HHIPL1: variants seen among roughly 807,000 people sequenced by gnomAD.
HHIPL1 encodes HHIP like 1.
Under a neutral mutation model 61.8 loss-of-function variants are expected in HHIPL1, and 43 were observed. The observed-to-expected ratio is 0.70, with a 90% CI of 0.55 to 0.90. HHIPL1 has a LOEUF of 0.90. Ranked by LOEUF, HHIPL1 falls within the 40% of genes least tolerant of loss-of-function variation. The probability of loss-of-function intolerance (pLI) is 0.00; values close to 1 mark genes in which losing one functional copy is unlikely to be tolerated. For synonymous variants in HHIPL1, 482 were observed against 515.8 expected (o/e 0.93, Z 0.89); for missense variants, 1,056 against 1,157.7 (o/e 0.91, Z 1.28).
Position 99,678,264 on chromosome 14 carries a change from C to G in HHIPL1, c.*2638C>G, listed in dbSNP as rs1595175841. On this transcript the variant is annotated 3_prime_UTR_variant, in exon 9 of 9. Coordinates refer to ENST00000330710, the MANE Select transcript of HHIPL1 (RefSeq NM_001127258.3). ...GCCCGGTTCCTAACAGGCCACCCATCAGTACTGGTCCGTGGCCCAGGGTTT... is the reference window on the plus strand; with the variant it reads ...GCCCGGTTCCTAACAGGCCACCCATGAGTACTGGTCCGTGGCCCAGGGTTT... The G allele has an allele frequency of 1.3e-5, 2 of 152,176 alleles. No individual in the cohort carries two copies. The highest frequency in any genetic ancestry group is 4.8e-5 in the African/African-American group (2 of 41,424). 9.4% of individuals were successfully genotyped at this position (152,176 alleles called of 1,614,324 possible). A position where few individuals can be genotyped will look rare whatever the true frequency, so the allele number is the denominator to read the frequency against.
the HHIPL1 span, among the ~76,000 whole-genome samples, chr14:99,615,946 T>G: frequency 1.3e-5 from 2 of 151,930 alleles, no homozygotes; most frequent in African/African-American, 4.8e-5. Flanking sequence ...ACCAAGCAAG[T>G]CAAAACAAGG....
At position 99,668,232 on chromosome 14, in the gene HHIPL1, C is replaced by T; in HGVS notation, c.1659C>T (p.Tyr553=). ...SFGEDEAGEL[Y]FMSTGEPSAT... is the part of the protein sequence containing the mutation. ...TTGTTCTGTCCAAAGGGGAGCTGTA[C>T]TTCATGTCGACAGGGGAGCCGAGTG... Residue 553 remains tyrosine, a synonymous_variant, in exon 7 of 9, where the codon TAC becomes TAT. Transcript: ENST00000330710. The surrounding 1 kb of genome is among the most constrained non-coding windows in gnomAD (Gnocchi z 4.7). 1.2e-6 allele frequency: 2 copies of T among 1,608,668 alleles called. No homozygotes were observed. Among genetic ancestry groups the T allele is most frequent in the Non-Finnish European group, 1.7e-6 (2 of 1,175,128 alleles).
In HHIPL1 at chr14:99,675,647, G is replaced by C. The variant is rs1178290335; in HGVS notation, c.*21G>C. The C allele has an allele frequency of 6.7e-7, 1 of 1,484,950 alleles. No homozygotes were observed. Among genetic ancestry groups the C allele is most frequent in the Non-Finnish European group, 8.9e-7 (1 of 1,117,700 alleles). 92.0% of individuals were successfully genotyped at this position (1,484,950 alleles called of 1,614,324 possible). A position where few individuals can be genotyped will look rare whatever the true frequency, so the allele number is the denominator to read the frequency against. On this transcript the variant is annotated 3_prime_UTR_variant, in exon 9 of 9. Transcript: ENST00000330710. The surrounding 1 kb of genome is among the most constrained non-coding windows in gnomAD (Gnocchi z 5.4). ...TGTAGGCAACACGCCGCTGCCCCAG[G>C]CCATCCCGCCGGCGGGGGAGCCTGG...
the HHIPL1 span, among the ~76,000 whole-genome samples, chr14:99,608,569 T>C: frequency 4.6e-5 from 7 of 152,306 alleles, no homozygotes; most frequent in African/African-American, 1.7e-4. Flanking sequence ...AGCTGAATCT[T>C]CTTCAGGACA....
rs1203551031 is a variant in HHIPL1, at chr14:99,678,559, A to C, written c.*2933A>C. On this transcript the variant is annotated 3_prime_UTR_variant, in exon 9 of 9. Transcript: ENST00000330710. ...GCAGAAGCCAGACCGCACAATCTAAACTAAAACCCGATTGGCTGTTTAAAA... is the reference window on the plus strand; with the variant it reads ...GCAGAAGCCAGACCGCACAATCTAACCTAAAACCCGATTGGCTGTTTAAAA... 6.6e-6 allele frequency: 1 copy of C among 152,232 alleles called. No homozygotes were observed. The highest frequency in any genetic ancestry group is 1.5e-5 in the Non-Finnish European group (1 of 68,042). The allele number at this position is 152,232 out of a possible 1,614,324, so 9.4% of individuals were successfully genotyped here.
At position 99,675,380 on chromosome 14, in the gene HHIPL1, C is replaced by A. The variant is rs1464313788; in HGVS notation, c.2103C>A (p.Asp701Glu). ...GCGGACGCTGGGGCACCGTGTGCGA[C>A]GACTCCTGGAACATCAGCGGCGCCG... Reference protein sequence around the residue: ...FVGGRWGTVCDDSWNISGAAV... With the variant: ...FVGGRWGTVCEDSWNISGAAV... The change falls in exon 9 of 9, where the codon GAC becomes GAA. Residue 701 changes from aspartate (D) to glutamate (E), a missense_variant. Transcript: ENST00000330710. The surrounding 1 kb of genome is among the most constrained non-coding windows in gnomAD (Gnocchi z 5.4). 1.3e-6 allele frequency: 2 copies of A among 1,515,526 alleles called. No individual in the cohort carries two copies. The highest frequency in any genetic ancestry group is 1.8e-6 in the Non-Finnish European group (2 of 1,133,786). The allele number at this position is 1,515,526 out of a possible 1,614,324, so 93.9% of individuals were successfully genotyped here.
Position 99,668,817 on chromosome 14 carries a change from C to T in HHIPL1, c.1730+514C>T, listed in dbSNP as rs774295509. ...GCTCCCTTCGCCGGCTCCATCTCCC[C>T]GGCTTCCCTTCTAGCTGTAAGGCCA... is the stretch of plus-strand genomic sequence containing the variant. On this transcript the variant is annotated intron_variant, in intron 7 of 8. Coordinates refer to ENST00000330710, the MANE Select transcript of HHIPL1 (RefSeq NM_001127258.3). The surrounding 1 kb of genome is among the most constrained non-coding windows in gnomAD (Gnocchi z 4.7). 23 of 1,612,726 alleles carry T rather than the reference C, an allele frequency of 1.4e-5. No individual in the cohort carries two copies. Among genetic ancestry groups the T allele is most frequent in the African/African-American group, 8.0e-5 (6 of 74,922 alleles).
the HHIPL1 span, among the ~76,000 whole-genome samples, chr14:99,615,705 G>A: frequency 2.6e-5 from 4 of 151,014 alleles, no homozygotes; most frequent in Non-Finnish European, 4.4e-5. Context: ...GAGAAAGAAA[G>A]AAAGAAGGAA....
the HHIPL1 span, among the ~76,000 whole-genome samples, chr14:99,615,820 A>C: frequency 3.5e-4 from 54 of 152,272 alleles, no homozygotes; most frequent in East Asian, 0.01. Flanking sequence ...CGCAGATTTG[A>C]AAAGGAGGCT....
chr14:99,637,035 G>GAAA, the HHIPL1 span, among the ~76,000 whole-genome samples: 146 of 101,014 alleles, frequency 1.4e-3, 4 homozygotes, highest in African/African-American at 5.7e-3. Context: ...AAGAAAGAAA[G>GAAA]AAAGAAAGAA....
intron 6 of HHIPL1, 31 bp downstream of exon 6, chr14:99,663,052 T>G: frequency 6.4e-7 from 1 of 1,564,642 alleles, no homozygotes; most frequent in East Asian, 2.3e-5. Context: ...TCCTTGCTGG[T>G]TGCTCGTGCC....
chr14:99,633,472 G>T, the HHIPL1 span, among the ~76,000 whole-genome samples: 1 of 152,194 alleles, frequency 6.6e-6, no homozygotes, highest in Non-Finnish European at 1.5e-5. Context: ...CATGGAGTGT[G>T]GGCCCCTGTG....
At chr14:99,641,411 T>C (rs2140042761), upstream of HHIPL1, among the ~76,000 whole-genome samples, 1 of 151,850 alleles carries the variant, frequency 6.6e-6, no homozygotes, top group South Asian at 2.1e-4. Context: ...GGTTTCTTTC[T>C]TTTTCTTTCT....
intron 1 of HHIPL1, among the ~76,000 whole-genome samples, chr14:99,651,203 G>T (rs2055924659): frequency 6.6e-6 from 1 of 152,152 alleles, no homozygotes; most frequent in South Asian, 2.1e-4. Flanking sequence ...GAGCTGAGAT[G>T]GTGCCACTGT....
chr14:99,659,852 C>CG lies in HHIPL1; in HGVS notation c.1375+96_1375+97insG. On this transcript the variant is annotated intron_variant, in intron 4 of 8. Transcript: ENST00000330710. ...GGCCTCCCTCGGAGACCGCACCCCCCCCCCCCCGGAGATCCCTGACCCTGA... is the reference window on the plus strand; with the variant it reads ...GGCCTCCCTCGGAGACCGCACCCCCCGCCCCCCCGGAGATCCCTGACCCTGA... 7 of 561,464 alleles carry CG rather than the reference C, an allele frequency of 1.2e-5. 1 individual carries two copies. In the Admixed American group the frequency reaches 1.5e-4, roughly 12 times the overall value. 34.8% of individuals were successfully genotyped at this position (561,464 alleles called of 1,614,324 possible). A position where few individuals can be genotyped will look rare whatever the true frequency, so the allele number is the denominator to read the frequency against.
the HHIPL1 span, among the ~76,000 whole-genome samples, chr14:99,633,560 A>T: frequency 1.3e-5 from 2 of 152,212 alleles, no homozygotes; most frequent in African/African-American, 4.8e-5. Context: ...ATGAGGGTGC[A>T]AATCACAATT....
chr14:99,610,329 T>G, the HHIPL1 span, among the ~76,000 whole-genome samples: 1 of 152,322 alleles, frequency 6.6e-6, no homozygotes, highest in African/African-American at 2.4e-5. Context: ...ACTAAAGTAT[T>G]ACCACTTCTG....
intron 1 of HHIPL1, among the ~76,000 whole-genome samples, chr14:99,648,431 G>A (rs1318817421): frequency 6.6e-6 from 1 of 152,152 alleles, no homozygotes; most frequent in African/African-American, 2.4e-5. Flanking sequence ...TGGGGAATGT[G>A]TGCGCTGGCT....
chr14:99,659,372 C>T (rs2056102222), intron 3 of HHIPL1, 56 bp from the exon 4 acceptor site: 3 of 1,329,490 alleles, frequency 2.3e-6, no homozygotes, highest in Non-Finnish European at 2.9e-6. Flanking sequence ...CCGCGGAGCC[C>T]GTGAGCCCTG....
Sources: gnomAD v4.1 joint callset for allele counts (sites outside exome capture counted in the v4.1 genomes callset) on GRCh38, gnomAD v4.1.1 for gene constraint, Gnocchi (gnomAD v3.1) non-coding constraint, MANE v1.5 for transcripts, NCBI Gene and HGNC (gene_info 2026-07-23, HGNC 2026-07-21) for gene names.